GRID2: variants seen among roughly 807,000 people sequenced by gnomAD.
The protein encoded by GRID2 is glutamate receptor ionotropic, delta-2.
GRID2 carries 33 observed loss-of-function variants against 114.8 expected under a neutral mutation model. The observed-to-expected ratio is 0.29, with a 90% confidence interval of 0.22 to 0.38. The LOEUF (loss-of-function observed/expected upper bound fraction) is 0.38, where lower values mean the gene tolerates loss of function less well. GRID2 is among the 10% of genes least tolerant of loss of function. GRID2 has a pLI of 1.00. For missense variants in GRID2, 1,184 were observed against 1,257.7 expected, an observed-to-expected ratio of 0.94 and a Z score of 0.89; for synonymous variants, 505 against 449.9, an observed-to-expected ratio of 1.12 and a Z score of -1.55.
At chr4:92,736,419 T>C (rs1736601647) in intron 2 of GRID2, among the ~76,000 whole-genome samples, 1 of 152,142 alleles carries the variant, frequency 6.6e-6, no homozygotes, top group Admixed American at 6.6e-5. Flanking sequence ...CGTTTTAAGA[T>C]GCTAACTTTA....
intron 1 of GRID2, among the ~76,000 whole-genome samples, chr4:92,358,176 C>T (rs1454007843): frequency 6.6e-6 from 1 of 151,798 alleles, no homozygotes; most frequent in African/African-American, 2.4e-5. Context: ...TCTGGGATGC[C>T]TAGAGCATAG....
chr4:92,412,708 T>C (rs1435756584), intron 1 of GRID2, among the ~76,000 whole-genome samples: 1 of 152,222 alleles, frequency 6.6e-6, no homozygotes, highest in East Asian at 1.9e-4. Context: ...GCATTTCTAT[T>C]AGCCCATCCA....
chr4:93,636,723 A>G (rs1721443370), intron 14 of GRID2, among the ~76,000 whole-genome samples: 1 of 152,144 alleles, frequency 6.6e-6, no homozygotes, highest in African/African-American at 2.4e-5. Flanking sequence ...GGGCTTACAT[A>G]ATAATTATGT....
chr4:93,745,678 C>T (rs1402752259), intron 14 of GRID2, among the ~76,000 whole-genome samples: 4 of 152,048 alleles, frequency 2.6e-5, no homozygotes, highest in South Asian at 2.1e-4. Flanking sequence ...GCTTCTCTTT[C>T]GTAAGGACTC....
exon 2 of GRID2, chr4:93,808,449 G>T (rs1418625432): frequency 6.6e-6 from 1 of 152,024 alleles, no homozygotes; most frequent in Non-Finnish European, 1.5e-5. Context: ...CATTTCCATG[G>T]GTTCTTCATC....
intron 11 of GRID2, among the ~76,000 whole-genome samples, chr4:93,458,983 C>T (rs1008022209): frequency 1.3e-5 from 2 of 151,694 alleles, no homozygotes; most frequent in Non-Finnish European, 2.9e-5. Context: ...AGTTCGAGAC[C>T]AGCCCGGCCA....
intron 14 of GRID2, among the ~76,000 whole-genome samples, chr4:93,692,101 G>A (rs758694121): frequency 1.3e-5 from 2 of 151,990 alleles, no homozygotes; most frequent in South Asian, 2.1e-4. Context: ...ATTCAAATGC[G>A]GGGCGGGGAA....
intron 2 of GRID2, among the ~76,000 whole-genome samples, chr4:92,593,854 A>C (rs1284167149): frequency 2.2e-5 from 3 of 138,596 alleles, no homozygotes; most frequent in African/African-American, 5.3e-5. Context: ...TTTCTTGACA[A>C]TTTTTTTTTT....
intron 1 of GRID2, among the ~76,000 whole-genome samples, chr4:92,462,025 A>T (rs1303950323): frequency 6.6e-6 from 1 of 152,060 alleles, no homozygotes; most frequent in African/African-American, 2.4e-5. Context: ...ATTACAAGAT[A>T]TTTAAAATTG....
chr4:93,203,826 G>A (rs150615575), intron 4 of GRID2: 7 of 152,268 alleles, frequency 4.6e-5, no homozygotes, highest in South Asian at 4.1e-4. Flanking sequence ...TAGGCGTGAC[G>A]TCACAATCCT....
chr4:93,420,741 T>C (rs1236409308), intron 9 of GRID2, among the ~76,000 whole-genome samples: 1 of 150,212 alleles, frequency 6.7e-6, no homozygotes, highest in Non-Finnish European at 1.5e-5. Context: ...CTTATTTATT[T>C]ATTTATTTAT....
At chr4:93,441,447 A>G (rs952751170) in intron 10 of GRID2, among the ~76,000 whole-genome samples, 3 of 152,020 alleles carry the variant, frequency 2.0e-5, no homozygotes, top group African/African-American at 4.8e-5. Context: ...ATTATAGCCT[A>G]GAAAGGTAGT....
In GRID2 at chr4:93,439,554, A is replaced by C. The variant is rs148585337; in HGVS notation, c.1546-16108A>C. ...GTGAATAATGTTGAGAATTTCTAAA[A>C]GTTTAGGAAACATAGGTATTTCCAT... is the stretch of plus-strand genomic sequence containing the variant. On this transcript the variant is annotated intron_variant, in intron 10 of 15. Transcript: ENST00000282020. Among the ~76,000 whole-genome samples, 24 of 152,226 alleles carry C rather than the reference A, an allele frequency of 1.6e-4. No homozygotes were observed. In the East Asian group the frequency reaches 4.7e-3, roughly 30 times the overall value.
intron 13 of GRID2, among the ~76,000 whole-genome samples, chr4:93,555,203 A>G (rs1734191949): frequency 6.6e-6 from 1 of 152,112 alleles, no homozygotes; most frequent in Admixed American, 6.5e-5. Context: ...ATACCAAGCT[A>G]GCTTCAGGAC....
intron 4 of GRID2, among the ~76,000 whole-genome samples, chr4:93,142,211 TCAAA>T (rs982160743): frequency 1.2e-4 from 19 of 152,150 alleles, no homozygotes; most frequent in African/African-American, 4.6e-4. Flanking sequence ...GGACCCTATC[TCAAA>T]CAAACAAACA....
At position 92,488,655 on chromosome 4, in the gene GRID2, A is replaced by G. The variant is rs1723005675; in HGVS notation, c.89-101476A>G. Among the ~76,000 whole-genome samples, 3 of 152,278 alleles carry G rather than the reference A, an allele frequency of 2.0e-5. No individual in the cohort carries two copies. The East Asian group carries it at 5.8e-4, about 29-fold the overall frequency. On this transcript the variant is annotated intron_variant, in intron 1 of 15. Coordinates refer to ENST00000282020, the MANE Select transcript of GRID2 (RefSeq NM_001510.4). ...TGTCTCTGGGGTAGGCATGCTGCCC[A>G]TGGGATTTAATCAAAGAAATGTTAA...
At position 92,372,575 on chromosome 4, in the gene GRID2, T is replaced by G. The variant is rs140495906; in HGVS notation, c.88+67831T>G. On this transcript the variant is annotated intron_variant, in intron 1 of 15. Coordinates refer to ENST00000282020, the MANE Select transcript of GRID2 (RefSeq NM_001510.4). ...ATTGTTCATGCAATAGAATATAGTT[T>G]AGTGTAAACGTGACTCTTGCATGTA... 1.3e-3 allele frequency among the ~76,000 whole-genome samples: 204 copies of G among 152,312 alleles called. 1 individual carries two copies. The highest frequency in any genetic ancestry group is 4.8e-3 in the African/African-American group (198 of 41,568).
At chr4:92,693,580 G>T (rs189571358) in intron 2 of GRID2, among the ~76,000 whole-genome samples, 1 of 152,106 alleles carries the variant, frequency 6.6e-6, no homozygotes, top group Non-Finnish European at 1.5e-5. Context: ...GAGATGAACA[G>T]GAAATGACTA....
rs1355383139 is a variant in GRID2 at position 92,548,251 on chromosome 4, C to T, written c.89-41880C>T. ...AAGGTGTATGTCTTCCTTATGTTTA[C>T]ACTTCTAGTCTGCTTGTGCTCAGCA... On this transcript the variant is annotated intron_variant, in intron 1 of 15. Coordinates refer to ENST00000282020, the MANE Select transcript of GRID2 (RefSeq NM_001510.4). Among the ~76,000 whole-genome samples, 6 of 152,040 alleles carry T rather than the reference C, an allele frequency of 3.9e-5. 1 individual carries two copies. Among genetic ancestry groups the T allele is most frequent in the South Asian group, 4.1e-4 (2 of 4,828 alleles).
Sources: allele counts gnomAD v4.1 joint callset (sites outside exome capture counted in the v4.1 genomes callset), GRCh38; gene constraint gnomAD v4.1.1; transcripts MANE v1.5; gene names NCBI Gene and HGNC (gene_info 2026-07-23, HGNC 2026-07-21).